NCOA3: variants seen among roughly 807,000 people sequenced by gnomAD.
NCOA3 encodes the protein nuclear receptor coactivator 3.
NCOA3 carries 51 observed loss-of-function variants against 158.8 expected under a neutral mutation model. The observed-to-expected ratio is 0.32, with a 90% CI of 0.26 to 0.41. The LOEUF (loss-of-function observed/expected upper bound fraction) is 0.41, where lower values mean the gene tolerates loss of function less well. Among genes scored for constraint, NCOA3 ranks in the 10% least tolerant of loss-of-function variants. The probability of loss-of-function intolerance (pLI) is 1.00; values close to 1 mark genes in which losing one functional copy is unlikely to be tolerated. For missense variants in NCOA3, 1,510 were observed against 1,746.6 expected, an observed-to-expected ratio of 0.86 and a Z score of 2.41; for synonymous variants, 537 against 592.4, an observed-to-expected ratio of 0.91 and a Z score of 1.36.
At chr20:47,558,668 T>A (rs2085051521) in intron 1 of NCOA3, among the ~76,000 whole-genome samples, 1 of 152,130 alleles carries the variant, frequency 6.6e-6, no homozygotes, top group South Asian at 2.1e-4. Flanking sequence ...TGGATGCTGC[T>A]TCTTCTAAGT....
At position 47,634,207 on chromosome 20, in the gene NCOA3, T is replaced by G. The variant is rs2086470258; in HGVS notation, c.1112+12T>G. 6.2e-7 allele frequency: 1 copy of G among 1,604,930 alleles called. No individual in the cohort carries two copies. Among genetic ancestry groups the G allele is most frequent in the African/African-American group, 1.3e-5 (1 of 74,664 alleles). ...CACTTCCTTCAGAGGTAATGATAGA[T>G]TACTGTGTATTCTAATACAAAATGC... On this transcript the variant is annotated intron_variant, in intron 10 of 22. Coordinates refer to ENST00000371998, the MANE Select transcript of NCOA3 (RefSeq NM_181659.3).
intron 1 of NCOA3, among the ~76,000 whole-genome samples, chr20:47,576,580 T>C (rs2055761867): frequency 1.3e-5 from 2 of 152,300 alleles, no homozygotes; most frequent in African/African-American, 4.8e-5. Flanking sequence ...CACCTTGAAC[T>C]TATTGTGTTC....
rs2086537929 is a variant in NCOA3 at position 47,637,673 on chromosome 20, A to G, written c.2402A>G (p.Asp801Gly). 5.6e-6 allele frequency: 9 copies of G among 1,609,170 alleles called. No individual in the cohort carries two copies. The highest frequency in any genetic ancestry group is 1.3e-5 in the African/African-American group (1 of 74,612). The change falls in exon 13 of 23, where the codon GAT becomes GGT. Residue 801 changes from aspartate (D) to glycine (G), a missense_variant. Physicochemically the swap from Asp to Gly is moderately conservative, Grantham distance 94. This residue lies in a region of NCOA3 where 1,017 missense variants were observed against 1,098.3 expected (regional missense o/e 0.93). Coordinates refer to ENST00000371998, the MANE Select transcript of NCOA3 (RefSeq NM_181659.3). ...GGATCTGGAGACTTGGATAATCTAG[A>G]TGCTATTCTTGGTGATCTGACTAGT... ...EEGSGDLDNLDAILGDLTSSD... is the reference protein window; with the variant it reads ...EEGSGDLDNLGAILGDLTSSD...
At chr20:47,541,714 ATACTAGACAT>A (rs1238647740) in intron 1 of NCOA3, among the ~76,000 whole-genome samples, 7 of 151,438 alleles carry the variant, frequency 4.6e-5, no homozygotes, top group African/African-American at 1.7e-4. Flanking sequence ...TTTGAAGCAA[ATACTAGACAT>A]TATATAATTT....
chr20:47,539,809 G>A (rs574674776), intron 1 of NCOA3, among the ~76,000 whole-genome samples: 1 of 152,174 alleles, frequency 6.6e-6, no homozygotes. Context: ...ACAGGTGTGA[G>A]CCACCGCACC....
chr20:47,602,054 C>T (rs1296151942), intron 2 of NCOA3, among the ~76,000 whole-genome samples: 5 of 152,108 alleles, frequency 3.3e-5, no homozygotes, highest in African/African-American at 9.7e-5. Flanking sequence ...CTTTAATGAG[C>T]TCAATATATT....
Position 47,637,719 on chromosome 20 carries a change from C to T in NCOA3, c.2448C>T (p.Ser816=). The change falls in exon 13 of 23, where the codon TCC becomes TCT. Residue 816 remains serine, a synonymous_variant. Transcript: ENST00000371998. ...CTAGTTCTGACTTTTACAATAATTC[C>T]ATATCCTCAAATGGTAGTCATCTGG... The part of the protein sequence containing the change: ...DLTSSDFYNN[S]ISSNGSHLGT... 1.2e-6 allele frequency: 2 copies of T among 1,611,724 alleles called. No homozygotes were observed. Among genetic ancestry groups the T allele is most frequent in the Non-Finnish European group, 1.7e-6 (2 of 1,178,674 alleles).
intron 8 of NCOA3, chr20:47,628,520 T>C (rs1476064515): frequency 6.5e-6 from 1 of 153,578 alleles, no homozygotes; most frequent in Non-Finnish European, 1.4e-5. Flanking sequence ...CAAGTGATTT[T>C]CCTGCCATGG....
chr20:47,517,518 T>C (rs2084255550), intron 1 of NCOA3, among the ~76,000 whole-genome samples: 1 of 150,594 alleles, frequency 6.6e-6, no homozygotes, highest in South Asian at 2.1e-4. Context: ...TGGTACGATC[T>C]TGGCTCACTA....
chr20:47,590,579 A>G (rs1255808903), intron 2 of NCOA3, among the ~76,000 whole-genome samples: 1 of 152,224 alleles, frequency 6.6e-6, no homozygotes, highest in Non-Finnish European at 1.5e-5. Flanking sequence ...TATAGCCATC[A>G]GAAAACAGAA....
chr20:47,503,143 TTGAG>T (rs1332769219), intron 1 of NCOA3, among the ~76,000 whole-genome samples: 3 of 152,120 alleles, frequency 2.0e-5, no homozygotes, highest in Non-Finnish European at 4.4e-5. Flanking sequence ...GGTAGTAGTA[TTGAG>T]TAAGATTGCT....
intron 1 of NCOA3, among the ~76,000 whole-genome samples, chr20:47,532,504 T>G (rs1277223413): frequency 1.3e-5 from 2 of 152,128 alleles, no homozygotes; most frequent in East Asian, 3.8e-4. Flanking sequence ...AATGCATGGT[T>G]TCCATTATTT....
intron 2 of NCOA3, among the ~76,000 whole-genome samples, chr20:47,592,589 C>A (rs956642604): frequency 6.6e-6 from 1 of 152,130 alleles, no homozygotes; most frequent in Non-Finnish European, 1.5e-5. Context: ...AAGTTATATA[C>A]CTAGTTTGTG....
intron 10 of NCOA3, among the ~76,000 whole-genome samples, chr20:47,634,458 T>G (rs2086476181): frequency 6.6e-6 from 1 of 152,208 alleles, no homozygotes; most frequent in Non-Finnish European, 1.5e-5. Context: ...AAAATCTGAT[T>G]ACATGTCTTA....
At chr20:47,511,644 C>T (rs560406537) in intron 1 of NCOA3, among the ~76,000 whole-genome samples, 19 of 148,470 alleles carry the variant, frequency 1.3e-4, no homozygotes, top group South Asian at 8.6e-4. Flanking sequence ...TCCACCTCCC[C>T]GGTTCAAGTG....
In NCOA3 at chr20:47,647,848, T is replaced by C. The variant is rs368940902; in HGVS notation, c.3546+482T>C. On this transcript the variant is annotated intron_variant, in intron 18 of 22. Transcript: ENST00000371998. ...TTTAAAATTCAATTGTTTTTATTGT[T>C]TATGTCTTCAAACCATATAAGTAGA... 2.0e-4 allele frequency among the ~76,000 whole-genome samples: 30 copies of C among 152,148 alleles called. No homozygotes were observed. In the East Asian group the frequency reaches 2.5e-3, roughly 13 times the overall value.
At chr20:47,572,510 C>G (rs1477404665) in intron 1 of NCOA3, among the ~76,000 whole-genome samples, 1 of 151,850 alleles carries the variant, frequency 6.6e-6, no homozygotes, top group Non-Finnish European at 1.5e-5. Context: ...GCCTTCCTCA[C>G]TAAGCTTAAT....
chr20:47,520,061 C>CA (rs35406814), intron 1 of NCOA3, among the ~76,000 whole-genome samples: 3,480 of 32,932 alleles, frequency 0.11, 747 homozygotes, highest in Non-Finnish European at 0.12. Context: ...TGTGCCTGGC[C>CA]AAAAAAAAAA....
chr20:47,512,648 C>T (rs967703597), intron 1 of NCOA3, among the ~76,000 whole-genome samples: 4 of 150,166 alleles, frequency 2.7e-5, no homozygotes, highest in Admixed American at 6.6e-5. Flanking sequence ...CAAGTAAGTA[C>T]GAAAAAAGAT....
Sources: allele counts gnomAD v4.1 joint callset (sites outside exome capture counted in the v4.1 genomes callset), GRCh38; gene constraint gnomAD v4.1.1; regional missense constraint gnomAD v4.1.1; transcripts MANE v1.5; gene names NCBI Gene and HGNC (gene_info 2026-07-23, HGNC 2026-07-21).